ANKAR: variants seen among roughly 807,000 people sequenced by gnomAD.
The protein encoded by ANKAR is ankyrin and armadillo repeat-containing protein.
In ANKAR, 136 loss-of-function variants were observed where a neutral mutation model predicts 146.2. The ratio of observed to expected loss-of-function variants is 0.93; its 90% CI spans 0.81 to 1.07. The LOEUF is 1.07. Among genes scored for constraint, ANKAR ranks in the 50% least tolerant of loss-of-function variants. The pLI is 0.00. For missense variants in ANKAR, 1,567 were observed against 1,679.9 expected (o/e 0.93, Z 1.18); for synonymous variants, 500 against 575.8 (o/e 0.87, Z 1.88).
intron 9 of ANKAR, among the ~76,000 whole-genome samples, chr2:189,708,282 G>T (rs1414548339): frequency 1.3e-5 from 2 of 152,132 alleles, no homozygotes; most frequent in Non-Finnish European, 2.9e-5. Flanking sequence ...TGAGAGAGAG[G>T]CATAGAGCAC....
intron 12 of ANKAR, among the ~76,000 whole-genome samples, chr2:189,725,765 G>T (rs1310725297): frequency 6.6e-6 from 1 of 152,066 alleles, no homozygotes; most frequent in Non-Finnish European, 1.5e-5. Context: ...AAAATTAGCT[G>T]GGCATGGTGG....
intron 22 of ANKAR, among the ~76,000 whole-genome samples, chr2:189,745,774 G>A (rs1417995421): frequency 2.0e-5 from 3 of 152,192 alleles, no homozygotes; most frequent in African/African-American, 7.2e-5. Flanking sequence ...AGTAAAAGGA[G>A]AGGAAACAAT....
intron 9 of ANKAR, among the ~76,000 whole-genome samples, chr2:189,708,058 G>A (rs556636594): frequency 2.4e-4 from 37 of 152,268 alleles, no homozygotes; most frequent in Admixed American, 2.2e-3. Context: ...GAAACTGGGA[G>A]CCTTACCCAA....
At chr2:189,755,935 A>G (rs1388191226) in intron 18 of ANKAR, among the ~76,000 whole-genome samples, 1 of 152,212 alleles carries the variant, frequency 6.6e-6, no homozygotes, top group African/African-American at 2.4e-5. Context: ...GATTACTGCG[A>G]AAGTATTTGT....
intron 10 of ANKAR, among the ~76,000 whole-genome samples, chr2:189,716,418 C>T (rs2105755398): frequency 6.6e-6 from 1 of 152,218 alleles, no homozygotes; most frequent in South Asian, 2.1e-4. Flanking sequence ...AACTACAAAC[C>T]ACTGCTCAAT....
Position 189,689,830 on chromosome 2 carries a change from A to G in ANKAR, c.905A>G (p.His302Arg), listed in dbSNP as rs957925487. Residue 302 changes from histidine (H) to arginine (R), a missense_variant, in exon 3 of 23, where the codon CAC becomes CGC. Physicochemically the swap from His to Arg is conservative, Grantham distance 29. Coordinates refer to ENST00000684021, the MANE Select transcript of ANKAR (RefSeq NM_001378068.1). The stretch of plus-strand genomic sequence containing the variant: ...CTTCAAAAAAAGATTATTCAAAAAC[A>G]CTTTGAGAAGAAAAAAGATATCAGA... ...LYLQKKIIQK[H>R]FEKKKDIRRG... The G allele has an allele frequency of 6.2e-7, 1 of 1,605,756 alleles. No homozygotes were observed. Among genetic ancestry groups the G allele is most frequent in the Non-Finnish European group, 8.5e-7 (1 of 1,176,760 alleles).
intron 21 of ANKAR, among the ~76,000 whole-genome samples, chr2:189,744,093 A>C (rs1208464615): frequency 1.3e-5 from 2 of 152,210 alleles, no homozygotes; most frequent in African/African-American, 4.8e-5. Flanking sequence ...ATATTCATAC[A>C]TAGGAAATAG....
intron 2 of ANKAR, among the ~76,000 whole-genome samples, chr2:189,685,801 C>T (rs1442219066): frequency 6.6e-6 from 1 of 152,136 alleles, no homozygotes; most frequent in Non-Finnish European, 1.5e-5. Flanking sequence ...TGGTTCAGCA[C>T]TCAGACTCTC....
intron 18 of ANKAR, chr2:189,752,533 T>C (rs1559163303): frequency 1.1e-6 from 1 of 909,914 alleles, no homozygotes; most frequent in Non-Finnish European, 1.7e-6. Context: ...GAAAGAAATT[T>C]ATGTAACTTT....
intron 18 of ANKAR, among the ~76,000 whole-genome samples, chr2:189,751,943 C>T (rs1488108392): frequency 2.7e-5 from 4 of 150,460 alleles, no homozygotes; most frequent in African/African-American, 7.3e-5. Flanking sequence ...GCCTGGAGTT[C>T]GAGACCAGCC....
At chr2:189,762,467 A>G (rs576899305), downstream of ANKAR, 1 of 550,676 alleles carries the variant, frequency 1.8e-6, no homozygotes, top group Non-Finnish European at 2.3e-6. Context: ...CCAGACAGAC[A>G]CAACCTAGAG....
At chr2:189,705,535 A>T (rs2038814201) in intron 8 of ANKAR, among the ~76,000 whole-genome samples, 1 of 152,154 alleles carries the variant, frequency 6.6e-6, no homozygotes, top group Non-Finnish European at 1.5e-5. Flanking sequence ...ACCTTGTTCC[A>T]GTAGTATGGT....
chr2:189,677,032 T>G lies in ANKAR; in HGVS notation c.542T>G (p.Ile181Ser), dbSNP rs777888017. 6.2e-7 allele frequency: 1 copy of G among 1,604,086 alleles called. No homozygotes were observed. Among genetic ancestry groups the G allele is most frequent in the South Asian group, 1.1e-5 (1 of 89,908 alleles). Residue 181 changes from isoleucine (I) to serine (S), a missense_variant, in exon 2 of 23, where the codon ATT (isoleucine) becomes AGT (serine). Coordinates refer to ENST00000684021, the MANE Select transcript of ANKAR (RefSeq NM_001378068.1). ...FSELWRAIMD[I>S]DPDGKPQTNK... ...GAATTGTGGCGTGCCATCATGGACATTGATCCTGATGGAAAACCTCAAACA... is the reference window on the plus strand; with the variant it reads ...GAATTGTGGCGTGCCATCATGGACAGTGATCCTGATGGAAAACCTCAAACA...
chr2:189,682,835 G>A (rs929766807), intron 2 of ANKAR, among the ~76,000 whole-genome samples: 8 of 152,250 alleles, frequency 5.3e-5, no homozygotes, highest in South Asian at 4.2e-4. Context: ...TTGGGCAATT[G>A]GGATTTATTT....
At chr2:189,736,536 G>T (rs1325236937) in intron 17 of ANKAR, among the ~76,000 whole-genome samples, 2 of 135,002 alleles carry the variant, frequency 1.5e-5, no homozygotes, top group Admixed American at 8.0e-5. Context: ...GTGTGTGTGT[G>T]TGTATGTGAT....
At chr2:189,689,419 C>A in intron 2 of ANKAR, 108 bp from the exon 3 acceptor site, 1 of 931,900 alleles carries the variant, frequency 1.1e-6, no homozygotes, top group Non-Finnish European at 1.6e-6. Flanking sequence ...CCTTTACTGT[C>A]GTGATAGTAG....
At chr2:189,759,395 T>C (rs1377637488) in intron 18 of ANKAR, among the ~76,000 whole-genome samples, 1 of 152,208 alleles carries the variant, frequency 6.6e-6, no homozygotes, top group Middle Eastern at 3.4e-3. Flanking sequence ...ACTACAGGCG[T>C]CCGCCACCAC....
intron 7 of ANKAR, among the ~76,000 whole-genome samples, chr2:189,697,454 T>G (rs1023402999): frequency 6.6e-6 from 1 of 152,124 alleles, no homozygotes; most frequent in Admixed American, 6.6e-5. Flanking sequence ...TAAGCTATGT[T>G]AAATTTTTAC....
intron 2 of ANKAR, among the ~76,000 whole-genome samples, chr2:189,682,123 A>T (rs1166176115): frequency 6.6e-6 from 1 of 152,160 alleles, no homozygotes; most frequent in Non-Finnish European, 1.5e-5. Flanking sequence ...GCTCCTGGCC[A>T]ATCAAAGATG....
Sources: allele counts gnomAD v4.1 joint callset (sites outside exome capture counted in the v4.1 genomes callset), GRCh38; gene constraint gnomAD v4.1.1; transcripts MANE v1.5; gene names NCBI Gene and HGNC (gene_info 2026-07-23, HGNC 2026-07-21).